Variants in CDK5RAP2 observed in about 807,000 individuals in gnomAD.
CDK5RAP2 encodes the protein CDK5 regulatory subunit associated protein 2.
In CDK5RAP2, 147 loss-of-function variants were observed where a neutral mutation model predicts 232.9. The ratio of observed to expected loss-of-function variants is 0.63; its 90% confidence interval spans 0.55 to 0.72. The LOEUF (loss-of-function observed/expected upper bound fraction) is 0.72. Ranked by LOEUF, CDK5RAP2 falls within the 30% of genes least tolerant of loss-of-function variation. The pLI is 0.00. For synonymous variants in CDK5RAP2, 833 were observed against 833.7 expected (o/e 1.00, Z 0.01); for missense variants, 2,195 against 2,231.5 (o/e 0.98, Z 0.33).
At chr9:120,460,748 C>G (rs1564250583) in intron 18 of CDK5RAP2, 81 bp from the exon 19 acceptor site, 1 of 1,236,534 alleles carries the variant, frequency 8.1e-7, no homozygotes, top group Non-Finnish European at 1.1e-6. Context: ...TCAGTGATGT[C>G]TTTTTTTTTT....
intron 5 of CDK5RAP2, among the ~76,000 whole-genome samples, chr9:120,544,667 A>C (rs1767899405): frequency 6.6e-6 from 1 of 152,242 alleles, no homozygotes; most frequent in East Asian, 1.9e-4. Context: ...GCCAGGACAA[A>C]TGAAGCATTT....
intron 11 of CDK5RAP2, among the ~76,000 whole-genome samples, chr9:120,520,939 T>C (rs925443300): frequency 1.3e-5 from 2 of 152,134 alleles, no homozygotes; most frequent in South Asian, 2.1e-4. Context: ...TCATATATCA[T>C]ATATCTCATA....
intron 12 of CDK5RAP2, among the ~76,000 whole-genome samples, chr9:120,501,873 A>G (rs952977822): frequency 1.3e-5 from 2 of 152,222 alleles, no homozygotes; most frequent in African/African-American, 2.4e-5. Context: ...GTAATTTGTT[A>G]TGCAGCAATA....
rs370378740 is a variant in CDK5RAP2 at position 120,536,466 on chromosome 9, C to G, written c.568G>C (p.Ala190Pro). 35 of 1,614,072 alleles carry G rather than the reference C, an allele frequency of 2.2e-5. No homozygotes were observed. The highest frequency in any genetic ancestry group is 2.9e-5 in the Non-Finnish European group (34 of 1,180,032). The change falls in exon 7 of 38, where the codon GCT becomes CCT. Residue 190 changes from alanine to proline, a missense_variant. By Grantham distance (27) the Ala-to-Pro change is conservative. Transcript: ENST00000349780. ...KAFAGTETEK[A>P]LRLRLESKLS... ...TTGCTTTCCAAACGCAACCGAAGAG[C>G]CTTCTCCGTCTCTGTCCCTGCAAAG...
At position 120,388,879 on chromosome 9, in the gene CDK5RAP2, A is replaced by C. The variant is rs1466650465; in HGVS notation, c.*357T>G. The stretch of plus-strand genomic sequence containing the variant: ...AAAACAACAGAATCGTCAAGGTGAA[A>C]TGAAATGAATCATTTAATGAGAATC... On this transcript the variant is annotated 3_prime_UTR_variant, in exon 38 of 38. Coordinates refer to ENST00000349780, the MANE Select transcript of CDK5RAP2 (RefSeq NM_018249.6). The C allele has an allele frequency of 6.3e-6, 2 of 318,660 alleles. No homozygotes were observed. Among genetic ancestry groups the C allele is most frequent in the Non-Finnish European group, 1.2e-5 (2 of 172,176 alleles). 19.7% of individuals were successfully genotyped at this position (318,660 alleles called of 1,614,324 possible). A position where few individuals can be genotyped will look rare whatever the true frequency, so the allele number is the denominator to read the frequency against.
At chr9:120,529,847 CT>C in intron 8 of CDK5RAP2, 130 bp downstream of exon 8, 1 of 879,522 alleles carries the variant, frequency 1.1e-6, no homozygotes, top group Non-Finnish European at 1.9e-6. Context: ...CTGCTCACTC[CT>C]CAGCTGACAG....
intron 3 of CDK5RAP2, among the ~76,000 whole-genome samples, chr9:120,563,161 G>GTT (rs2042522546): frequency 6.6e-6 from 1 of 152,160 alleles, no homozygotes; most frequent in Non-Finnish European, 1.5e-5. Flanking sequence ...GTTGAGGCAA[G>GTT]AAGGTCCAGG....
chr9:120,405,346 T>G (rs2033360192), intron 32 of CDK5RAP2, among the ~76,000 whole-genome samples: 1 of 152,264 alleles, frequency 6.6e-6, no homozygotes, highest in Non-Finnish European at 1.5e-5. Flanking sequence ...GAATTCTGAA[T>G]GCTCTCCTGG....
In CDK5RAP2 at chr9:120,458,562, T is replaced by C; in HGVS notation, c.2263A>G (p.Lys755Glu). Residue 755 changes from lysine (K) to glutamate (E), a missense_variant, in exon 20 of 38, where the codon AAG becomes GAG. Transcript: ENST00000349780. ...TGGGCCCCATCACAATCTGAAATCT[T>C]AGACTCCGTGTGCCTTAAGTATCCA... ...KNGYLRHTES[K>E]ISDCDGAHAP... The C allele has an allele frequency of 6.2e-7, 1 of 1,614,156 alleles. No homozygotes were observed. The highest frequency in any genetic ancestry group is 1.1e-5 in the South Asian group (1 of 91,084).
At chr9:120,543,891 T>G (rs930958383) in intron 5 of CDK5RAP2, among the ~76,000 whole-genome samples, 3 of 152,176 alleles carry the variant, frequency 2.0e-5, no homozygotes, top group African/African-American at 7.2e-5. Flanking sequence ...CCCCTACCTA[T>G]AAATTCTCAT....
At chr9:120,425,660 C>A (rs897024362) in intron 25 of CDK5RAP2, among the ~76,000 whole-genome samples, 1 of 152,366 alleles carries the variant, frequency 6.6e-6, no homozygotes, top group Middle Eastern at 3.4e-3. Context: ...TGAAACAGTA[C>A]TTCCGAGCTC....
intron 12 of CDK5RAP2, among the ~76,000 whole-genome samples, chr9:120,497,421 TAA>T (rs71385064): frequency 7.3e-4 from 17 of 23,296 alleles, no homozygotes; most frequent in East Asian, 0.013. Context: ...AAAATAAATT[TAA>T]AAAAAAAAAA....
intron 22 of CDK5RAP2, among the ~76,000 whole-genome samples, chr9:120,445,765 C>T (rs907167021): frequency 4.6e-5 from 7 of 152,194 alleles, no homozygotes; most frequent in Non-Finnish European, 2.9e-5. Flanking sequence ...TGCTATGGCT[C>T]CAAGTCATAT....
intron 12 of CDK5RAP2, among the ~76,000 whole-genome samples, chr9:120,501,066 T>G (rs979843684): frequency 6.6e-6 from 1 of 152,230 alleles, no homozygotes; most frequent in African/African-American, 2.4e-5. Context: ...GACACTTTCA[T>G]AATGAGGCAT....
At chr9:120,445,197 T>G (rs2036115521) in intron 22 of CDK5RAP2, among the ~76,000 whole-genome samples, 1 of 152,202 alleles carries the variant, frequency 6.6e-6, no homozygotes, top group Non-Finnish European at 1.5e-5. Flanking sequence ...GTCATTTCTT[T>G]CCCATAGCTC....
chr9:120,579,896 C>G, intron 1 of CDK5RAP2, 24 bp downstream of exon 1: 1 of 1,603,090 alleles, frequency 6.2e-7, no homozygotes, highest in Non-Finnish European at 8.5e-7. Flanking sequence ...CCGGTTACCA[C>G]GACCACCAAT....
At chr9:120,564,266 GACCATC>G (rs1430409592) in intron 3 of CDK5RAP2, among the ~76,000 whole-genome samples, 1 of 152,112 alleles carries the variant, frequency 6.6e-6, no homozygotes, top group Non-Finnish European at 1.5e-5. Flanking sequence ...AGGAGATCAA[GACCATC>G]CTGGCTAACA....
chr9:120,461,091 G>A (rs191423029), intron 18 of CDK5RAP2, among the ~76,000 whole-genome samples: 37 of 152,320 alleles, frequency 2.4e-4, no homozygotes, highest in Non-Finnish European at 4.3e-4. Context: ...CAGCAAGAAA[G>A]TAATAAATGA....
intron 5 of CDK5RAP2, among the ~76,000 whole-genome samples, chr9:120,544,782 A>C (rs2041772695): frequency 6.6e-6 from 1 of 152,138 alleles, no homozygotes; most frequent in Admixed American, 6.5e-5. Flanking sequence ...CACTTTACCC[A>C]CAACACCCTC....
Sources: gnomAD v4.1 joint callset for allele counts (sites outside exome capture counted in the v4.1 genomes callset) on GRCh38, gnomAD v4.1.1 for gene constraint, MANE v1.5 for transcripts, NCBI Gene and HGNC (gene_info 2026-07-23, HGNC 2026-07-21) for gene names.